CADPS2: variants seen among roughly 807,000 people sequenced by gnomAD.
CADPS2 encodes the protein calcium-dependent secretion activator 2.
CADPS2 carries 93 observed loss-of-function variants against 172.5 expected under a neutral mutation model. That is an observed-to-expected ratio of 0.54 (90% CI 0.46 to 0.64). CADPS2 has a LOEUF of 0.64. Among genes scored for constraint, CADPS2 ranks in the 30% least tolerant of loss-of-function variants. The pLI is 0.00. For missense variants in CADPS2, 1,420 were observed against 1,565.9 expected (o/e 0.91, Z 1.57); for synonymous variants, 546 against 555.2 (o/e 0.98, Z 0.23).
intron 2 of CADPS2, among the ~76,000 whole-genome samples, chr7:122,674,132 CA>C (rs1200259697): frequency 6.6e-6 from 1 of 152,166 alleles, no homozygotes; most frequent in African/African-American, 2.4e-5. Flanking sequence ...GTGTGGGGCC[CA>C]CTGAGCCCAT....
chr7:122,708,810 G>A (rs927031526), intron 2 of CADPS2, among the ~76,000 whole-genome samples: 6 of 151,742 alleles, frequency 4.0e-5, no homozygotes, highest in Non-Finnish European at 8.8e-5. Context: ...GGTAATCAGA[G>A]TAGGAACTCA....
intron 2 of CADPS2, among the ~76,000 whole-genome samples, chr7:122,709,459 G>A (rs2088271026): frequency 6.6e-6 from 1 of 151,780 alleles, no homozygotes; most frequent in Non-Finnish European, 1.5e-5. Context: ...ACTGTTGGTG[G>A]GACTGTAAAC....
chr7:122,703,219 G>GT (rs772506195), intron 2 of CADPS2, among the ~76,000 whole-genome samples: 5 of 152,104 alleles, frequency 3.3e-5, no homozygotes, highest in Non-Finnish European at 5.9e-5. Context: ...GCCATATAAT[G>GT]TTTTTTCTAG....
At chr7:122,676,816 A>C in intron 2 of CADPS2, 2 of 696,096 alleles carry the variant, frequency 2.9e-6, no homozygotes, top group African/African-American at 1.8e-5. Flanking sequence ...TTCCGAACTC[A>C]CTGTAAGTGC....
At chr7:122,654,466 T>C (rs920766689) in intron 3 of CADPS2, among the ~76,000 whole-genome samples, 6 of 152,212 alleles carry the variant, frequency 3.9e-5, no homozygotes, top group Admixed American at 2.0e-4. Flanking sequence ...TAATGCTCAC[T>C]TACTATTCTG....
chr7:122,321,580 C>A (rs1048846590), intron 29 of CADPS2, among the ~76,000 whole-genome samples: 5 of 152,166 alleles, frequency 3.3e-5, no homozygotes, highest in African/African-American at 4.8e-5. Flanking sequence ...CCTTCGCCTC[C>A]CCAGTTCAAG....
At chr7:122,554,832 C>A (rs1339986722) in intron 7 of CADPS2, 143 bp from the exon 8 acceptor site, 3 of 582,692 alleles carry the variant, frequency 5.1e-6, no homozygotes, top group South Asian at 3.6e-5. Context: ...CTCCCTACTA[C>A]AATAGCTGAT....
At chr7:122,800,722 C>T (rs1249950456) in intron 1 of CADPS2, among the ~76,000 whole-genome samples, 3 of 152,176 alleles carry the variant, frequency 2.0e-5, no homozygotes, top group African/African-American at 4.8e-5. Flanking sequence ...GGTGTGGTGG[C>T]TCACGTCTGT....
At chr7:122,729,955 A>T (rs2137466270) in intron 2 of CADPS2, among the ~76,000 whole-genome samples, 1 of 151,894 alleles carries the variant, frequency 6.6e-6, no homozygotes, top group Non-Finnish European at 1.5e-5. Context: ...CAAAGGAAAT[A>T]AAATGAAGTG....
intron 2 of CADPS2, among the ~76,000 whole-genome samples, chr7:122,666,220 A>C (rs2081178159): frequency 6.6e-6 from 1 of 152,122 alleles, no homozygotes; most frequent in Admixed American, 6.5e-5. Context: ...ATTTCTGCAA[A>C]AGTTGTATCT....
intron 27 of CADPS2, among the ~76,000 whole-genome samples, chr7:122,357,561 G>C (rs1277174017): frequency 6.6e-6 from 1 of 152,090 alleles, no homozygotes; most frequent in Non-Finnish European, 1.5e-5. Flanking sequence ...CAAATGCACA[G>C]TGTCATGTAT....
chr7:122,799,603 CAAAAAAA>C (rs58187843), intron 1 of CADPS2, among the ~76,000 whole-genome samples: 1 of 48,282 alleles, frequency 2.1e-5, no homozygotes, highest in South Asian at 7.2e-4. Context: ...GATTCCATCT[CAAAAAAA>C]AAAAAAAAAA....
chr7:122,355,047 TC>T (rs751750639), intron 27 of CADPS2, among the ~76,000 whole-genome samples: 37 of 152,328 alleles, frequency 2.4e-4, no homozygotes, highest in Non-Finnish European at 4.7e-4. Context: ...GATTTTTTTT[TC>T]ATTCATAAAG....
intron 19 of CADPS2, among the ~76,000 whole-genome samples, chr7:122,411,223 C>CTTT (rs560751027): frequency 3.5e-5 from 5 of 141,460 alleles, no homozygotes; most frequent in Non-Finnish European, 6.2e-5. Flanking sequence ...CCTTTGATTA[C>CTTT]TTTTTTTTTT....
chr7:122,827,240 AT>A (rs1232991471), intron 1 of CADPS2, among the ~76,000 whole-genome samples: 1 of 152,220 alleles, frequency 6.6e-6, no homozygotes, highest in Non-Finnish European at 1.5e-5. Context: ...AAAAATGATC[AT>A]TTCAATAGCC....
rs776093626 is a variant in CADPS2, at chr7:122,319,400, T to C, written c.*765A>G. ...AGTCTAATAAATACAGAAGTAGTTA[T>C]GAGCAAATAGATTTTTATTGCCTGC... On this transcript the variant is annotated 3_prime_UTR_variant, in exon 30 of 30. Transcript: ENST00000449022. 1.6e-4 allele frequency: 24 copies of C among 152,208 alleles called. No individual in the cohort carries two copies. The highest frequency in any genetic ancestry group is 1.9e-4 in the East Asian group (1 of 5,184). The allele number at this position is 152,208 out of a possible 1,614,324, so 9.4% of individuals were successfully genotyped here. A position where few individuals can be genotyped will look rare whatever the true frequency, so the allele number is the denominator to read the frequency against.
intron 8 of CADPS2, among the ~76,000 whole-genome samples, chr7:122,545,032 C>T (rs145620175): frequency 1.4e-4 from 21 of 152,194 alleles, no homozygotes; most frequent in African/African-American, 3.9e-4. Flanking sequence ...AGTAAAGAGA[C>T]GGAATAGGGA....
intron 4 of CADPS2, among the ~76,000 whole-genome samples, chr7:122,625,496 T>C (rs1352268284): frequency 6.6e-6 from 1 of 152,164 alleles, no homozygotes; most frequent in Non-Finnish European, 1.5e-5. Context: ...CCCTCCTACA[T>C]CTGTAGGTAG....
chr7:122,870,967 C>T (rs1644933371), intron 1 of CADPS2, among the ~76,000 whole-genome samples: 1 of 151,988 alleles, frequency 6.6e-6, no homozygotes, highest in African/African-American at 2.4e-5. Context: ...AGACACTGAA[C>T]TAAGTGCTTT....
Sources: allele counts gnomAD v4.1 joint callset (sites outside exome capture counted in the v4.1 genomes callset), GRCh38; gene constraint gnomAD v4.1.1; transcripts MANE v1.5; gene names NCBI Gene and HGNC (gene_info 2026-07-23, HGNC 2026-07-21).